Variants in EIF2D observed in about 807,000 individuals in gnomAD.
EIF2D encodes the protein hepatocellular carcinoma-associated antigen 56.
In EIF2D, 56 loss-of-function variants were observed where a neutral mutation model predicts 77.4. The ratio of observed to expected loss-of-function variants is 0.72; its 90% CI spans 0.58 to 0.90. The LOEUF is 0.90. Among genes scored for constraint, EIF2D ranks in the 40% least tolerant of loss-of-function variants. The probability of loss-of-function intolerance (pLI) is 0.00; values close to 1 mark genes in which losing one functional copy is unlikely to be tolerated. For missense variants in EIF2D, 574 were observed against 706.5 expected (o/e 0.81, Z 2.13); for synonymous variants, 230 against 271.0 (o/e 0.85, Z 1.49).
chr1:206,576,202 C>T (rs150322923), intron 4 of EIF2D, among the ~76,000 whole-genome samples: 193 of 152,354 alleles, frequency 1.3e-3, no homozygotes, highest in African/African-American at 4.4e-3. Flanking sequence ...GCCACACAGG[C>T]TCTGAAATCA....
downstream of EIF2D, chr1:206,587,301 C>T (rs533175549): frequency 2.8e-6 from 1 of 361,664 alleles, no homozygotes; most frequent in East Asian, 7.0e-5. Flanking sequence ...AACCTCACAC[C>T]AGCCGGCAAA....
chr1:206,573,328 A>G (rs1668518577), intron 4 of EIF2D, among the ~76,000 whole-genome samples: 1 of 152,184 alleles, frequency 6.6e-6, no homozygotes, highest in African/African-American at 2.4e-5. Flanking sequence ...AGGCATATAG[A>G]TTTTCTGACT....
chr1:206,604,612 T>C (rs887852039), intron 5 of EIF2D: 1 of 150,726 alleles, frequency 6.6e-6, no homozygotes, highest in African/African-American at 2.5e-5. Context: ...GAGGTACCTG[T>C]GGTCCCAGCT....
intron 7 of EIF2D, 129 bp downstream of exon 7, chr1:206,602,207 C>G (rs557937403): frequency 4.5e-6 from 3 of 660,976 alleles, no homozygotes; most frequent in East Asian, 5.4e-5. Flanking sequence ...GTCAGATAAG[C>G]CTTCCCTCCA....
chr1:206,593,508 A>AGAGAGTGTGTGTGTGT (rs10533643), intron 14 of EIF2D, 111 bp downstream of exon 14: 33 of 401,586 alleles, frequency 8.2e-5, no homozygotes, highest in African/African-American at 6.1e-4. Flanking sequence ...AGAGAGAGAG[A>AGAGAGTGTGTGTGTGT]GTGTGTGTGT....
chr1:206,587,317 G>A (rs889828151), downstream of EIF2D: 2 of 352,204 alleles, frequency 5.7e-6, no homozygotes, highest in African/African-American at 4.3e-5. Flanking sequence ...GCAAAGGAAG[G>A]AAGAAAGGTT....
intron 11 of EIF2D, among the ~76,000 whole-genome samples, chr1:206,598,635 A>C (rs889185327): frequency 4.5e-5 from 3 of 66,392 alleles, no homozygotes; most frequent in Non-Finnish European, 8.8e-5. Flanking sequence ...GTAACAAAAT[A>C]CCATGCACCC....
Position 206,599,679 on chromosome 1 carries a change from G to C in EIF2D, c.1052+54C>G. 6.2e-7 allele frequency: 1 copy of C among 1,612,726 alleles called. No individual in the cohort carries two copies. The highest frequency in any genetic ancestry group is 1.1e-5 in the South Asian group (1 of 91,012). ...AGCATCTCAGCAATCCCCAGTCCGT[G>C]GCCCAGGTGCCCTGGGGCCAGCTGG... On this transcript the variant is annotated intron_variant, in intron 9 of 14. Coordinates refer to ENST00000271764, the MANE Select transcript of EIF2D (RefSeq NM_006893.3). The surrounding 1 kb of genome is among the most constrained non-coding windows in gnomAD (Gnocchi z 4.1).
downstream of EIF2D, among the ~76,000 whole-genome samples, chr1:206,569,267 AC>A (rs1668373704): frequency 1.3e-5 from 2 of 152,224 alleles, no homozygotes; most frequent in Admixed American, 1.3e-4. Flanking sequence ...TTACAGAAAG[AC>A]TGTGGGCTCA....
Position 206,595,954 on chromosome 1 carries a change from T to G in EIF2D, c.1389-116A>C, listed in dbSNP as rs1212871640. 3.7e-5 allele frequency: 52 copies of G among 1,410,264 alleles called. No individual in the cohort carries two copies. In the Middle Eastern group the frequency reaches 1.8e-3, roughly 50 times the overall value. 87.4% of individuals were successfully genotyped at this position (1,410,264 alleles called of 1,614,324 possible). On this transcript the variant is annotated intron_variant, in intron 12 of 14. Transcript: ENST00000271764. ...GAAATTGCAGGTCCACAACCTTGGCTGCACATTAGAATCATTCAAATCCCT... is the reference window on the plus strand; with the variant it reads ...GAAATTGCAGGTCCACAACCTTGGCGGCACATTAGAATCATTCAAATCCCT...
At chr1:206,600,605 A>T (rs1419816084) in intron 7 of EIF2D, 1 of 321,408 alleles carries the variant, frequency 3.1e-6, no homozygotes, top group Non-Finnish European at 5.7e-6. Flanking sequence ...TAATGTGACC[A>T]AGGGAACTGA....
chr1:206,585,303 T>C, intron 2 of EIF2D: 3 of 1,610,428 alleles, frequency 1.9e-6, no homozygotes, highest in Non-Finnish European at 2.5e-6. Flanking sequence ...GAGGTAGGTC[T>C]GGACCCATTG....
intron 4 of EIF2D, among the ~76,000 whole-genome samples, chr1:206,580,365 T>C (rs1268634260): frequency 6.6e-6 from 1 of 152,196 alleles, no homozygotes; most frequent in Non-Finnish European, 1.5e-5. Context: ...TACTTATTTT[T>C]TATAGACAAG....
At chr1:206,595,649 T>A in intron 13 of EIF2D, 69 bp downstream of exon 13, 2 of 1,569,062 alleles carry the variant, frequency 1.3e-6, no homozygotes, top group Non-Finnish European at 1.7e-6. Flanking sequence ...TCCAATCACA[T>A]TAGGGAGACC....
downstream of EIF2D, among the ~76,000 whole-genome samples, chr1:206,590,549 A>C (rs1669309039): frequency 1.3e-5 from 2 of 152,170 alleles, no homozygotes; most frequent in Admixed American, 1.3e-4. Flanking sequence ...TTTAGGCTCA[A>C]TTTCTGGAAA....
At chr1:206,591,962 G>T in intron 14 of EIF2D, 117 bp from the exon 15 acceptor site, 1 of 953,666 alleles carries the variant, frequency 1.0e-6, no homozygotes, top group South Asian at 1.3e-5. Context: ...TCAACTTCGG[G>T]ACTGACCACT....
At chr1:206,595,339 G>A (rs73080979) in intron 13 of EIF2D, 1,980 of 155,724 alleles carry the variant, frequency 0.013, 42 homozygotes, top group African/African-American at 0.045. Flanking sequence ...GTGTTGCCAA[G>A]CTAAACACAC....
intron 14 of EIF2D, 105 bp downstream of exon 14, chr1:206,593,514 T>C (rs781954345): frequency 1.1e-5 from 7 of 657,900 alleles, no homozygotes; most frequent in South Asian, 2.2e-5. Flanking sequence ...AGAGAGTGTG[T>C]GTGTGTGTGT....
At chr1:206,587,160 C>A, downstream of EIF2D, 1 of 670,662 alleles carries the variant, frequency 1.5e-6, no homozygotes, top group Non-Finnish European at 2.5e-6. Context: ...CAGCTGTGCC[C>A]GCCCCCAGGC....
Sources: gnomAD v4.1 joint callset for allele counts (sites outside exome capture counted in the v4.1 genomes callset) on GRCh38, gnomAD v4.1.1 for gene constraint, Gnocchi (gnomAD v3.1) non-coding constraint, MANE v1.5 for transcripts, NCBI Gene and HGNC (gene_info 2026-07-23, HGNC 2026-07-21) for gene names.